The following PTPRD variants were observed in gnomAD, a reference collection of about 807,000 sequenced individuals.
PTPRD encodes the protein protein tyrosine phosphatase receptor type D, also known as receptor-type tyrosine-protein phosphatase delta.
Under a neutral mutation model 214.5 loss-of-function variants are expected in PTPRD, and 34 were observed. The observed-to-expected ratio is 0.16, with a 90% CI of 0.12 to 0.21. PTPRD has a LOEUF of 0.21. PTPRD is among the 10% of genes least tolerant of loss of function. The pLI is 1.00. For synonymous variants in PTPRD, 1,128 were observed against 845.7 expected (o/e 1.33, Z -5.79); for missense variants, 2,545 against 2,398.7 (o/e 1.06, Z -1.27).
intron 10 of PTPRD, among the ~76,000 whole-genome samples, chr9:9,034,171 C>G (rs1305912927): frequency 2.6e-5 from 4 of 152,116 alleles, no homozygotes; most frequent in Non-Finnish European, 5.9e-5. Context: ...TTTGGCAGGA[C>G]TAACATTTAC....
At chr9:10,387,474 G>A (rs1586896388) in intron 2 of PTPRD, among the ~76,000 whole-genome samples, 1 of 151,794 alleles carries the variant, frequency 6.6e-6, no homozygotes, top group Non-Finnish European at 1.5e-5. Flanking sequence ...CCCACTGTGA[G>A]GCTAATGGGG....
chr9:8,528,500 TA>T, intron 15 of PTPRD, 90 bp downstream of exon 15: 2 of 1,173,076 alleles, frequency 1.7e-6, no homozygotes, highest in Non-Finnish European at 2.4e-6. Flanking sequence ...TACCTAGAAA[TA>T]AAAAATAAAT....
chr9:9,169,760 A>G (rs2099910983), intron 10 of PTPRD, among the ~76,000 whole-genome samples: 1 of 152,148 alleles, frequency 6.6e-6, no homozygotes, highest in South Asian at 2.1e-4. Context: ...ACATTCTAAA[A>G]AGGCATCTGT....
intron 11 of PTPRD, among the ~76,000 whole-genome samples, chr9:8,743,372 TGTCA>T (rs1347195473): frequency 1.3e-5 from 2 of 152,304 alleles, no homozygotes; most frequent in East Asian, 3.9e-4. Context: ...ATTGCACTGA[TGTCA>T]GTCAGTGAAT....
chr9:9,939,994 C>A (rs1256003554), intron 4 of PTPRD, among the ~76,000 whole-genome samples: 1 of 152,160 alleles, frequency 6.6e-6, no homozygotes, highest in African/African-American at 2.4e-5. Flanking sequence ...GAATATGGAT[C>A]TTGTGCCAGG....
chr9:8,316,655 T>C lies in PTPRD; in HGVS notation c.*1219A>G, dbSNP rs974779693. 2 of 230,700 alleles carry C rather than the reference T, an allele frequency of 8.7e-6. No homozygotes were observed. The highest frequency in any genetic ancestry group is 4.4e-5 in the African/African-American group (2 of 45,148). 14.3% of individuals were successfully genotyped at this position (230,700 alleles called of 1,614,324 possible). ...TTATTGCACTAGAGTGTTAGAAATA[T>C]TGAACTTTGTTGGAAGCCTGACTAA... On this transcript the variant is annotated 3_prime_UTR_variant, in exon 46 of 46. Transcript: ENST00000381196.
At chr9:10,479,228 A>G (rs1589100465) in intron 2 of PTPRD, among the ~76,000 whole-genome samples, 1 of 152,282 alleles carries the variant, frequency 6.6e-6, no homozygotes, top group East Asian at 1.9e-4. Flanking sequence ...GATATTCCAA[A>G]CATGCCCTGG....
At chr9:9,334,795 G>T (rs1595945324) in intron 9 of PTPRD, among the ~76,000 whole-genome samples, 1 of 151,668 alleles carries the variant, frequency 6.6e-6, no homozygotes, top group East Asian at 1.9e-4. Flanking sequence ...ATGTTGCTTT[G>T]TTCAGAAGTG....
chr9:9,608,158 C>G (rs890599529), intron 7 of PTPRD, among the ~76,000 whole-genome samples: 1 of 152,076 alleles, frequency 6.6e-6, no homozygotes, highest in Non-Finnish European at 1.5e-5. Context: ...CATTGATTGA[C>G]ATAAGAATTA....
intron 37 of PTPRD, among the ~76,000 whole-genome samples, chr9:8,377,160 T>A (rs1361856397): frequency 1.3e-5 from 2 of 152,134 alleles, no homozygotes. Context: ...CAAATATGCT[T>A]GTTTAAAGAA....
intron 36 of PTPRD, among the ~76,000 whole-genome samples, chr9:8,398,363 T>G (rs1365588439): frequency 6.6e-6 from 1 of 152,146 alleles, no homozygotes; most frequent in Non-Finnish European, 1.5e-5. Flanking sequence ...GAGCTTCGGA[T>G]GCGTTATCAG....
Position 9,818,915 on chromosome 9 carries a change from CAAAAA to C in PTPRD, c.-367-52069_-367-52065del, listed in dbSNP as rs58616042. On this transcript the variant is annotated intron_variant, in intron 5 of 45. Coordinates refer to ENST00000381196, the MANE Select transcript of PTPRD (RefSeq NM_002839.4). The stretch of plus-strand genomic sequence containing the variant: ...TGGGCAACAGAGCAAGACACTGTCT[CAAAAA>C]AAAAAAAAAAAAAAAAAAGTTCGTA... Among the ~76,000 whole-genome samples the C allele has an allele frequency of 6.0e-3, 533 of 89,314 alleles. 6 individuals are homozygous for C. The highest frequency in any genetic ancestry group is 0.02 in the African/African-American group (477 of 24,166). The allele number at this position is 89,314 out of a possible 152,430, so 58.6% of individuals were successfully genotyped here. A position where few individuals can be genotyped will look rare whatever the true frequency, so the allele number is the denominator to read the frequency against.
intron 39 of PTPRD, among the ~76,000 whole-genome samples, chr9:8,368,536 A>C (rs1211262066): frequency 2.6e-5 from 4 of 152,092 alleles, no homozygotes; most frequent in Non-Finnish European, 5.9e-5. Context: ...CTTCCACTGC[A>C]TTTATATCTA....
At chr9:10,004,731 T>C (rs1032534007) in intron 4 of PTPRD, among the ~76,000 whole-genome samples, 4 of 152,198 alleles carry the variant, frequency 2.6e-5, no homozygotes, top group Admixed American at 6.6e-5. Flanking sequence ...CACCAAACTT[T>C]ATAAAATCAA....
chr9:8,339,140 T>C (rs2132252976), intron 42 of PTPRD, 93 bp from the exon 43 acceptor site: 3 of 1,273,396 alleles, frequency 2.4e-6, no homozygotes, highest in Non-Finnish European at 3.1e-6. Context: ...CTAATTTCCT[T>C]ATCCCATTAA....
chr9:9,382,793 C>T (rs1224720383), intron 9 of PTPRD, among the ~76,000 whole-genome samples: 1 of 151,908 alleles, frequency 6.6e-6, no homozygotes, highest in Non-Finnish European at 1.5e-5. Context: ...TTTGGTAATC[C>T]TACTTCTGGA....
intron 8 of PTPRD, among the ~76,000 whole-genome samples, chr9:9,397,900 T>C (rs569871421): frequency 7.9e-5 from 12 of 152,076 alleles, no homozygotes; most frequent in South Asian, 6.2e-4. Flanking sequence ...AGCTCAAAAA[T>C]TCTCTTTGTT....
At chr9:8,752,546 T>C (rs763444336) in intron 11 of PTPRD, among the ~76,000 whole-genome samples, 2 of 152,196 alleles carry the variant, frequency 1.3e-5, no homozygotes, top group Non-Finnish European at 2.9e-5. Flanking sequence ...GCTTTCACTT[T>C]ACTCTATGGA....
At chr9:10,119,556 C>T (rs1248348246) in intron 3 of PTPRD, among the ~76,000 whole-genome samples, 1 of 151,822 alleles carries the variant, frequency 6.6e-6, no homozygotes, top group Admixed American at 6.6e-5. Flanking sequence ...AACTCTCATC[C>T]ATATATAAAA....
Sources: allele counts gnomAD v4.1 joint callset (sites outside exome capture counted in the v4.1 genomes callset), GRCh38; gene constraint gnomAD v4.1.1; transcripts MANE v1.5; gene names NCBI Gene and HGNC (gene_info 2026-07-23, HGNC 2026-07-21).